Variants in MAPK12 observed in about 807,000 individuals in gnomAD.
MAPK12 encodes MAP kinase 12.
Under a neutral mutation model 49.1 loss-of-function variants are expected in MAPK12, and 49 were observed. The ratio of observed to expected loss-of-function variants is 1.00; its 90% CI spans 0.79 to 1.27. The LOEUF (loss-of-function observed/expected upper bound fraction) is 1.27, where lower values mean the gene tolerates loss of function less well. Ranked by LOEUF, MAPK12 falls within the 50% of genes most tolerant of loss-of-function variation. MAPK12 has a pLI of 0.00. For synonymous variants in MAPK12, 251 were observed against 209.7 expected (o/e 1.20, Z -1.70); for missense variants, 554 against 502.4 (o/e 1.10, Z -0.98).
rs1377156117 is a variant in MAPK12, at chr22:50,257,156, T to C, written c.352A>G (p.Lys118Glu). 3 of 1,612,860 alleles carry C rather than the reference T, an allele frequency of 1.9e-6. No homozygotes were observed. The highest frequency in any genetic ancestry group is 2.5e-6 in the Non-Finnish European group (3 of 1,179,926). The part of the protein sequence containing the change: ...VMPFMGTDLG[K>E]LMKHEKLGED... The stretch of plus-strand genomic sequence containing the variant: ...CCTAGCTTCTCATGTTTCATGAGCT[T>C]GCCCAGGTCGGTGCCCATGAACGGC... Residue 118 changes from lysine (K) to glutamate (E), a missense_variant, in exon 4 of 12, where the codon AAG becomes GAG. Transcript: ENST00000215659.
At position 50,256,957 on chromosome 22, in the gene MAPK12, T is replaced by G; in HGVS notation, c.434A>C (p.His145Pro). The stretch of plus-strand genomic sequence containing the variant: ...CACTCTGTGGATGATGCCGGCAGCG[T>G]GGATATACTGCGGGGGGCAGAGGAT... ...YQMLKGLRYI[H>P]AAGIIHRDLK... The change falls in exon 5 of 12, where the codon CAC becomes CCC. Residue 145 changes from histidine to proline, a missense_variant. Transcript: ENST00000215659. 6.2e-7 allele frequency: 1 copy of G among 1,606,030 alleles called. No homozygotes were observed. The highest frequency in any genetic ancestry group is 8.5e-7 in the Non-Finnish European group (1 of 1,178,096).
chr22:50,255,772 C>T, intron 8 of MAPK12, 38 bp downstream of exon 8: 1 of 1,611,344 alleles, frequency 6.2e-7, no homozygotes, highest in Non-Finnish European at 8.5e-7. Context: ...GGAGCCATCC[C>T]CACCCGCCCC....
intron 11 of MAPK12, 22 bp from the exon 12 acceptor site, chr22:50,253,502 G>GGGGGGCC: frequency 7.0e-5 from 12 of 171,648 alleles, no homozygotes; most frequent in East Asian, 1.5e-4. Flanking sequence ...GGGGGGGCGG[G>GGGGGGCC]CACAACAGAG....
chr22:50,257,215 T>C (rs1220344881), intron 3 of MAPK12, 22 bp from the exon 4 acceptor site: 1 of 1,591,036 alleles, frequency 6.3e-7, no homozygotes, highest in Non-Finnish European at 8.6e-7. Flanking sequence ...GCCGGAGCGC[T>C]GTCAGCGGAC....
chr22:50,260,933 C>T, intron 2 of MAPK12: 1 of 416,522 alleles, frequency 2.4e-6, no homozygotes, highest in Non-Finnish European at 4.2e-6. Context: ...GGCGCCGAGT[C>T]AAGGGGCTGA....
intron 2 of MAPK12, among the ~76,000 whole-genome samples, chr22:50,259,972 G>A (rs1234478814): frequency 6.9e-6 from 1 of 145,116 alleles, no homozygotes; most frequent in Non-Finnish European, 1.5e-5. Context: ...GGAGCAGGGG[G>A]CCGTGGGGAA....
rs1398620325 is a variant in MAPK12, at chr22:50,261,541, C to G, written c.-32G>C. The G allele has an allele frequency of 7.4e-6, 8 of 1,082,850 alleles. No homozygotes were observed. The allele number at this position is 1,082,850 out of a possible 1,614,324, so 67.1% of individuals were successfully genotyped here. A position where few individuals can be genotyped will look rare whatever the true frequency, so the allele number is the denominator to read the frequency against. On this transcript the variant is annotated 5_prime_UTR_variant, in exon 1 of 12. Transcript: ENST00000215659. ...CCCGGGAGCTGCCCACCCCGCAGAG[C>G]CTGCGGGCGGTGCCCCCACGACCGG...
Position 50,258,320 on chromosome 22 carries a change from G to A in MAPK12, c.256-19C>T, listed in dbSNP as rs765167413. Reference sequence around the variant, plus strand: ...CGATCACCTGGGGGGGCCACATAGGGTTGAGAATGCAGCAGAGGACACGGG... The same window carrying A: ...CGATCACCTGGGGGGGCCACATAGGATTGAGAATGCAGCAGAGGACACGGG... On this transcript the variant is annotated intron_variant, in intron 2 of 11. Transcript: ENST00000215659. 3 of 1,611,192 alleles carry A rather than the reference G, an allele frequency of 1.9e-6. No individual in the cohort carries two copies. Among genetic ancestry groups the A allele is most frequent in the Non-Finnish European group, 1.7e-6 (2 of 1,178,386 alleles).
chr22:50,253,826 C>T (rs1372664211), intron 11 of MAPK12: 1 of 352,432 alleles, frequency 2.8e-6, no homozygotes, highest in Non-Finnish European at 5.3e-6. Context: ...TCAAACAAAG[C>T]CAAACTCATA....
At chr22:50,258,769 G>A (rs886904367) in intron 2 of MAPK12, among the ~76,000 whole-genome samples, 7 of 152,260 alleles carry the variant, frequency 4.6e-5, no homozygotes, top group African/African-American at 1.7e-4. Context: ...TGGTTGGGGA[G>A]ATAGACAGTA....
chr22:50,261,173 G>C lies in MAPK12; in HGVS notation c.249C>G (p.His83Gln), dbSNP rs774063558. Residue 83 changes from histidine (H) to glutamine (Q), a missense_variant, in exon 2 of 12, where the codon CAC becomes CAG. Coordinates refer to ENST00000215659, the MANE Select transcript of MAPK12 (RefSeq NM_002969.6). ...RELRLLKHMR[H>Q]ENVIGLLDVF... Reference sequence around the variant, plus strand: ...GCGGGGCCGCGCGACTCACGTTCTCGTGGCGCATGTGCTTGAGCAGGCGCA... The same window carrying C: ...GCGGGGCCGCGCGACTCACGTTCTCCTGGCGCATGTGCTTGAGCAGGCGCA... 2 of 1,589,556 alleles carry C rather than the reference G, an allele frequency of 1.3e-6. No individual in the cohort carries two copies. The highest frequency in any genetic ancestry group is 8.6e-7 in the Non-Finnish European group (1 of 1,168,646).
rs1347566721 is a variant in MAPK12, at chr22:50,255,817, G to A, written c.684C>T (p.Gly228=). The A allele has an allele frequency of 6.2e-7, 1 of 1,612,602 alleles. No homozygotes were observed. The highest frequency in any genetic ancestry group is 1.7e-5 in the Admixed American group (1 of 60,006). The change falls in exon 8 of 12, where the codon GGC becomes GGT. Residue 228 remains glycine, a synonymous_variant. Transcript: ENST00000215659. The stretch of plus-strand genomic sequence containing the variant: ...CCTGCGGCTGGAGGATACGGTCGCT[G>A]CCCTTGAACAGCGTCTTGCCTGTGA... ...EMITGKTLFK[G]SDHLDQLKEI...
chr22:50,256,123 G>A lies in MAPK12; in HGVS notation c.581C>T (p.Pro194Leu). 1 of 1,612,720 alleles carries A rather than the reference G, an allele frequency of 6.2e-7. No individual in the cohort carries two copies. ...GCGCATCCAATTCAAGATGACCTCG[G>A]GAGCCCGGTACCACCGGGTCACCAC... ...GYVVTRWYRA[P>L]EVILNWMRYT... is the part of the protein sequence containing the mutation. Residue 194 changes from proline (P) to leucine (L), a missense_variant, in exon 7 of 12, where the codon CCC becomes CTC. Physicochemically the swap from Pro to Leu is moderately conservative, Grantham distance 98. Transcript: ENST00000215659.
chr22:50,259,728 C>A (rs2267983), intron 2 of MAPK12, among the ~76,000 whole-genome samples: 64,355 of 151,320 alleles, frequency 0.43, 14,296 homozygotes, highest in African/African-American at 0.52. Flanking sequence ...ACTAAAAATA[C>A]AAAAAATTAG....
chr22:50,255,678 C>T lies in MAPK12; in HGVS notation c.708G>A (p.Lys236=). 1.2e-6 allele frequency: 2 copies of T among 1,610,520 alleles called. No individual in the cohort carries two copies. The highest frequency in any genetic ancestry group is 2.2e-5 in the South Asian group (2 of 91,074). The change falls in exon 9 of 12, where the codon AAG becomes AAA. Residue 236 remains lysine (K), a synonymous_variant. Transcript: ENST00000215659. ...GCGTCCCCGTCACCTTCATGATCTCCTTCAGCTGGTCCAGGTCTGCACCGA... is the reference window on the plus strand; with the variant it reads ...GCGTCCCCGTCACCTTCATGATCTCTTTCAGCTGGTCCAGGTCTGCACCGA... ...FKGSDHLDQL[K]EIMKVTGTPP...
rs368055751 is a variant in MAPK12 at position 50,261,216 on chromosome 22, T to A, written c.206A>T (p.Lys69Met). 8.8e-6 allele frequency: 14 copies of A among 1,590,218 alleles called. No homozygotes were observed. The African/African-American group carries it at 1.6e-4, about 19-fold the overall frequency. Residue 69 changes from lysine to methionine, a missense_variant, in exon 2 of 12, where the codon AAG becomes ATG. Lys to Met is a moderately conservative substitution (Grantham distance 95). Coordinates refer to ENST00000215659, the MANE Select transcript of MAPK12 (RefSeq NM_002969.6). ...CAGGCGCAGCTCGCGGTAGGCGCGC[T>A]TGGCGAACAGCTCGGACTGGAAAGG... ...YRPFQSELFAKRAYRELRLLK... is the reference protein window; with the variant it reads ...YRPFQSELFAMRAYRELRLLK...
rs758229661 is a variant in MAPK12 at position 50,256,198 on chromosome 22, A to T, written c.506T>A (p.Ile169Asn). 4.8e-5 allele frequency: 77 copies of T among 1,610,826 alleles called. No homozygotes were observed. The South Asian group carries it at 5.8e-4, about 12-fold the overall frequency. ...LAVNEDCELK[I>N]LDFGLARQAD... ...CTGCCTGGCCAGGCCGAAGTCCAGG[A>T]TCTGTGGGAAGAATTGGGGAGGTGG... Residue 169 changes from isoleucine (I) to asparagine (N), a missense_variant and splice_region_variant, in exon 7 of 12, where the codon ATC (isoleucine) becomes AAC (asparagine). Transcript: ENST00000215659.
Position 50,256,579 on chromosome 22 carries a change from C to G in MAPK12, c.504+20G>C, listed in dbSNP as rs1298457492. 3.7e-6 allele frequency: 6 copies of G among 1,608,598 alleles called. No homozygotes were observed. The highest frequency in any genetic ancestry group is 5.1e-6 in the Non-Finnish European group (6 of 1,177,634). ...GGGGCCCCTGCCCCACCTCAGGGCCCCCTGCCAGGCAGCACACACCTTCAG... is the reference window on the plus strand; with the variant it reads ...GGGGCCCCTGCCCCACCTCAGGGCCGCCTGCCAGGCAGCACACACCTTCAG... On this transcript the variant is annotated intron_variant, in intron 6 of 11. Transcript: ENST00000215659.
rs143795417 is a variant in MAPK12, at chr22:50,258,296, G to T, written c.261C>A (p.Ile87=). 3 of 1,612,824 alleles carry T rather than the reference G, an allele frequency of 1.9e-6. No individual in the cohort carries two copies. The highest frequency in any genetic ancestry group is 2.5e-6 in the Non-Finnish European group (3 of 1,179,924). ...LLKHMRHENV[I]GLLDVFTPDE... The stretch of plus-strand genomic sequence containing the variant: ...CAGGAGTGAATACGTCCAGCAGCCC[G>T]ATCACCTGGGGGGGCCACATAGGGT... The change falls in exon 3 of 12, where the codon ATC becomes ATA. Residue 87 remains isoleucine, a synonymous_variant. Transcript: ENST00000215659.
Sources: gnomAD v4.1 joint callset for allele counts (sites outside exome capture counted in the v4.1 genomes callset) on GRCh38, gnomAD v4.1.1 for gene constraint, MANE v1.5 for transcripts, NCBI Gene and HGNC (gene_info 2026-07-23, HGNC 2026-07-21) for gene names.